Variants in CDC42BPG observed in about 807,000 individuals in gnomAD.
CDC42BPG encodes CDC42 binding protein kinase gamma, also known as serine/threonine-protein kinase MRCK gamma.
In CDC42BPG, 157 loss-of-function variants were observed where a neutral mutation model predicts 192.2. That is an observed-to-expected ratio of 0.82 (90% CI 0.72 to 0.93). The LOEUF (loss-of-function observed/expected upper bound fraction) is 0.93. Among genes scored for constraint, CDC42BPG ranks in the 40% least tolerant of loss-of-function variants. The pLI is 0.00. For synonymous variants in CDC42BPG, 981 were observed against 918.5 expected (o/e 1.07, Z -1.23); for missense variants, 1,992 against 2,122.1 (o/e 0.94, Z 1.20).
chr11:64,826,629 G>C, intron 35 of CDC42BPG, 42 bp downstream of exon 35: 1 of 1,586,378 alleles, frequency 6.3e-7, no homozygotes, highest in Non-Finnish European at 8.6e-7. Flanking sequence ...TAGAAACTTG[G>C]GGTGGGGGGT....
At chr11:64,838,221 C>A in intron 8 of CDC42BPG, 59 bp from the exon 9 acceptor site, 1 of 1,362,658 alleles carries the variant, frequency 7.3e-7, no homozygotes, top group Non-Finnish European at 1.0e-6. Context: ...AGGCCCAAGG[C>A]CCAGGAGCCC....
chr11:64,830,726 C>T (rs1231338942), intron 28 of CDC42BPG, among the ~76,000 whole-genome samples: 1 of 152,198 alleles, frequency 6.6e-6, no homozygotes, highest in East Asian at 1.9e-4. Flanking sequence ...CCAAGGAGCT[C>T]TGTTTCATGC....
Position 64,832,618 on chromosome 11 carries a change from C to G in CDC42BPG, c.2991G>C (p.Gln997His), listed in dbSNP as rs747417813. Residue 997 changes from glutamine (Q) to histidine (H), a missense_variant, in exon 26 of 37, where the codon CAG becomes CAC. Around this residue, in one of 2 missense-constraint regions of CDC42BPG, gnomAD observed 1,656 missense variants for 1,844.3 expected, o/e 0.90. Transcript: ENST00000342711. The part of the protein sequence containing the change: ...RLSPPSGALL[Q>H]VLDLRDPQFS... ...CCGGCACCTACCTCAGATCTAGGACCTGCAGGAGGGCCCCACTGGGCGGGC... is the reference window on the plus strand; with the variant it reads ...CCGGCACCTACCTCAGATCTAGGACGTGCAGGAGGGCCCCACTGGGCGGGC... The G allele has an allele frequency of 2.5e-6, 4 of 1,613,936 alleles. No individual in the cohort carries two copies. The Admixed American group carries it at 6.7e-5, about 27-fold the overall frequency.
In CDC42BPG at chr11:64,827,148, A is replaced by C; in HGVS notation, c.4291T>G (p.Phe1431Val). Reference protein sequence around the residue: ...QQRREMLKDPFVRSKLISPPT... With the variant: ...QQRREMLKDPVVRSKLISPPT... ...GGCGAGATGAGCTTGGAGCGCACAA[A>C]AGGGTCCTTCAGCATCTCCCTGTGG... The change falls in exon 34 of 37, where the codon TTT (phenylalanine) becomes GTT (valine). Residue 1431 changes from phenylalanine to valine, a missense_variant. Transcript: ENST00000342711. 1 of 1,614,042 alleles carries C rather than the reference A, an allele frequency of 6.2e-7. No homozygotes were observed. Among genetic ancestry groups the C allele is most frequent in the Non-Finnish European group, 8.5e-7 (1 of 1,179,958 alleles).
Position 64,836,722 on chromosome 11 carries a change from G to GGGGGGGGGGT in CDC42BPG, c.1384+16_1384+17insACCCCCCCCC. On this transcript the variant is annotated intron_variant, in intron 11 of 36. Coordinates refer to ENST00000342711, the MANE Select transcript of CDC42BPG (RefSeq NM_017525.3). ...ACTCAGCCCTGGGGGGGGGGGGGGG[G>GGGGGGGGGGT]TGGGCGGAAGGGATACCTGGCAGCC... The GGGGGGGGGGT allele has an allele frequency of 2.3e-6, 2 of 859,762 alleles. No homozygotes were observed. The highest frequency in any genetic ancestry group is 3.8e-4 in the Middle Eastern group (1 of 2,632). 53.3% of individuals were successfully genotyped at this position (859,762 alleles called of 1,614,324 possible).
intron 12 of CDC42BPG, 34 bp downstream of exon 12, chr11:64,836,393 C>T: frequency 8.5e-7 from 1 of 1,172,636 alleles, no homozygotes; most frequent in African/African-American, 1.6e-5. Flanking sequence ...TCACCCACCT[C>T]ACCCAGCCCT....
rs1942910856 is a variant in CDC42BPG, at chr11:64,835,032, A to AC, written c.2060+14dup. On this transcript the variant is annotated intron_variant, in intron 17 of 36. Coordinates refer to ENST00000342711, the MANE Select transcript of CDC42BPG (RefSeq NM_017525.3). Reference sequence around the variant, plus strand: ...TCGCCTGCGTTCCCCACCCCGACCCACCCCTGGCACCCACCAGCTGAGGAT... The same window carrying AC: ...TCGCCTGCGTTCCCCACCCCGACCCACCCCCTGGCACCCACCAGCTGAGGAT... 2.1e-5 allele frequency: 12 copies of AC among 582,662 alleles called. No homozygotes were observed. Among genetic ancestry groups the AC allele is most frequent in the Non-Finnish European group, 3.2e-5 (11 of 345,946 alleles). 36.1% of individuals were successfully genotyped at this position (582,662 alleles called of 1,614,324 possible). A position where few individuals can be genotyped will look rare whatever the true frequency, so the allele number is the denominator to read the frequency against.
intron 30 of CDC42BPG, among the ~76,000 whole-genome samples, chr11:64,828,683 G>A (rs984243657): frequency 2.0e-5 from 3 of 152,198 alleles, no homozygotes; most frequent in Non-Finnish European, 2.9e-5. Flanking sequence ...GGGAGGCCGC[G>A]CGGGAGGATT....
chr11:64,840,474 G>A, intron 4 of CDC42BPG, 79 bp downstream of exon 4: 2 of 1,491,964 alleles, frequency 1.3e-6, no homozygotes, highest in Non-Finnish European at 1.9e-6. Context: ...GTCTCTCTTT[G>A]GGCCCAGTGC....
chr11:64,836,617 C>T (rs1233095187), intron 11 of CDC42BPG, 87 bp from the exon 12 acceptor site: 13 of 1,334,268 alleles, frequency 9.7e-6, no homozygotes, highest in African/African-American at 4.4e-5. Flanking sequence ...GTTTCCCACA[C>T]GCGGGCTCAG....
At chr11:64,833,176 G>A (rs1798440541) in intron 24 of CDC42BPG, 55 bp downstream of exon 24, 5 of 1,392,240 alleles carry the variant, frequency 3.6e-6, no homozygotes, top group Non-Finnish European at 4.0e-6. Flanking sequence ...GCCTGGGTAT[G>A]CCAGGGCCAC....
At chr11:64,833,887 G>C in intron 21 of CDC42BPG, 38 bp downstream of exon 21, 1 of 1,614,196 alleles carries the variant, frequency 6.2e-7, no homozygotes, top group African/African-American at 1.3e-5. Flanking sequence ...GCCTCTCCCA[G>C]AACTTCTCCC....
rs750455934 is a variant in CDC42BPG at position 64,827,710 on chromosome 11, C to T, written c.4041G>A (p.Trp1347Ter). ...CCTTCTTGAGCGGCACGGTCTGCAC[C>T]CATTCTGCCCTCCTCACGTCAAACA... ...IDVFDVRRAE[W>*]VQTVPLKKVR... is the part of the protein sequence containing the mutation. Residue 1347 changes from tryptophan (W) to a stop codon, truncating the protein, a stop_gained, in exon 31 of 37, where the codon TGG (tryptophan) becomes TGA (stop). Transcript: ENST00000342711. LOFTEE classifies it high-confidence loss of function. 3 of 1,613,316 alleles carry T rather than the reference C, an allele frequency of 1.9e-6. No homozygotes were observed. Among genetic ancestry groups the T allele is most frequent in the Admixed American group, 1.7e-5 (1 of 59,920 alleles).
chr11:64,828,381 C>G (rs1942531036), intron 30 of CDC42BPG, among the ~76,000 whole-genome samples: 1 of 152,194 alleles, frequency 6.6e-6, no homozygotes, highest in African/African-American at 2.4e-5. Flanking sequence ...GGAAACCAGC[C>G]CCGGCCCATT....
chr11:64,831,470 T>C (rs1340443130), intron 28 of CDC42BPG, 35 bp downstream of exon 28: 1 of 1,567,048 alleles, frequency 6.4e-7, no homozygotes, highest in Non-Finnish European at 8.7e-7. Flanking sequence ...CCCGCAGGCC[T>C]GAACTGCTTC....
At chr11:64,832,983 G>A in intron 24 of CDC42BPG, 24 bp from the exon 25 acceptor site, 1 of 1,511,076 alleles carries the variant, frequency 6.6e-7, no homozygotes, top group Non-Finnish European at 8.9e-7. Flanking sequence ...GGAGAAGGTG[G>A]ATGAGGTGAG....
Position 64,840,618 on chromosome 11 carries a change from G to C in CDC42BPG, c.367C>G (p.Leu123Val). 1 of 1,613,918 alleles carries C rather than the reference G, an allele frequency of 6.2e-7. No homozygotes were observed. The highest frequency in any genetic ancestry group is 8.5e-7 in the Non-Finnish European group (1 of 1,180,020). ...TACFREERDV[L>V]VKGDSRWVTT... ...ACCCAACGGCTGTCCCCTTTCACGAGCACATCCCGCTCCTCCCGGAAACAG... is the reference window on the plus strand; with the variant it reads ...ACCCAACGGCTGTCCCCTTTCACGACCACATCCCGCTCCTCCCGGAAACAG... Residue 123 changes from leucine to valine, a missense_variant, in exon 4 of 37, where the codon CTC becomes GTC. Physicochemically the swap from Leu to Val is conservative, Grantham distance 32 (BLOSUM62 1). Coordinates refer to ENST00000342711, the MANE Select transcript of CDC42BPG (RefSeq NM_017525.3).
rs75968379 is a variant in CDC42BPG, at chr11:64,834,679, C to T, written c.2176-102G>A. 2.5e-3 allele frequency: 3,532 copies of T among 1,426,000 alleles called. 73 individuals carry two copies. The African/African-American group carries it at 0.045, about 18-fold the overall frequency. 88.3% of individuals were successfully genotyped at this position (1,426,000 alleles called of 1,614,324 possible). On this transcript the variant is annotated intron_variant, in intron 18 of 36. Transcript: ENST00000342711. ...CTGCTACCCATGCCACCCAGCCAGG[C>T]TCAAAGCTCCAGCTCAGCCAATGAC...
chr11:64,837,994 T>C (rs571675958), intron 9 of CDC42BPG, 89 bp downstream of exon 9: 13 of 1,156,760 alleles, frequency 1.1e-5, no homozygotes, highest in African/African-American at 1.5e-5. Context: ...TCTGCCCTCC[T>C]TCCCAGGGCC....
Sources: gnomAD v4.1 joint callset for allele counts (sites outside exome capture counted in the v4.1 genomes callset) on GRCh38, gnomAD v4.1.1 for gene constraint, gnomAD v4.1.1 regional missense constraint, MANE v1.5 for transcripts, NCBI Gene and HGNC (gene_info 2026-07-23, HGNC 2026-07-21) for gene names.